Variants in PHF14 observed in about 807,000 individuals in gnomAD.
PHF14 encodes the protein PHD finger protein 14.
A neutral mutation model predicts 117.9 loss-of-function variants in PHF14; 55 were observed. The ratio of observed to expected loss-of-function variants is 0.47; its 90% CI spans 0.38 to 0.58. The LOEUF is 0.58. Among genes scored for constraint, PHF14 ranks in the 20% least tolerant of loss-of-function variants. The probability of loss-of-function intolerance (pLI) is 0.00; values close to 1 mark genes in which losing one functional copy is unlikely to be tolerated. For synonymous variants in PHF14, 409 were observed against 368.6 expected (o/e 1.11, Z -1.26); for missense variants, 978 against 1,122.2 (o/e 0.87, Z 1.84).
intron 2 of PHF14, among the ~76,000 whole-genome samples, chr7:10,981,814 G>T (rs1782052423): frequency 6.6e-6 from 1 of 152,046 alleles, no homozygotes; most frequent in Non-Finnish European, 1.5e-5. Context: ...CCTAAAATTT[G>T]TTTGGTATAT....
intron 17 of PHF14, among the ~76,000 whole-genome samples, chr7:11,119,974 A>G (rs558970091): frequency 6.6e-6 from 1 of 152,070 alleles, no homozygotes; most frequent in African/African-American, 2.4e-5. Flanking sequence ...TTGCCTTTTA[A>G]TATATTCATT....
At chr7:11,062,217 T>C in intron 16 of PHF14, 132 bp downstream of exon 16, 1 of 652,042 alleles carries the variant, frequency 1.5e-6, no homozygotes, top group Non-Finnish European at 2.4e-6. Flanking sequence ...AACAGTACTT[T>C]AGAAACAGAT....
intron 4 of PHF14, among the ~76,000 whole-genome samples, chr7:11,001,260 A>C (rs145623656): frequency 2.0e-5 from 3 of 152,188 alleles, no homozygotes; most frequent in South Asian, 4.1e-4. Context: ...CTATATATCT[A>C]TTCTTTGATT....
intron 4 of PHF14, 58 bp downstream of exon 4, chr7:10,990,905 T>G: frequency 7.9e-7 from 1 of 1,262,520 alleles, no homozygotes; most frequent in Non-Finnish European, 1.1e-6. Flanking sequence ...TCTTTTACAT[T>G]TGTACTAAGG....
chr7:11,128,582 C>T lies in PHF14; in HGVS notation c.2772+17115C>T, dbSNP rs973717241. ...CAGAAAATCCAAGAAAAAAGTAAGG[C>T]GCTTTCCATTGTCTATACTATAGTA... is the stretch of plus-strand genomic sequence containing the variant. On this transcript the variant is annotated intron_variant, in intron 17 of 17. Transcript: ENST00000634607. 4.0e-5 allele frequency among the ~76,000 whole-genome samples: 6 copies of T among 151,824 alleles called. No individual in the cohort carries two copies. In the South Asian group the frequency reaches 8.3e-4, roughly 21 times the overall value.
At chr7:11,089,348 A>G (rs1266036635) in intron 16 of PHF14, among the ~76,000 whole-genome samples, 2 of 152,206 alleles carry the variant, frequency 1.3e-5, no homozygotes. Context: ...TTATATATGT[A>G]TATCTTTTAA....
At chr7:11,153,270 T>A (rs1016852212) in intron 17 of PHF14, among the ~76,000 whole-genome samples, 18 of 152,118 alleles carry the variant, frequency 1.2e-4, no homozygotes, top group Non-Finnish European at 2.4e-4. Context: ...TACCCTTGGG[T>A]GATAAAGATA....
At chr7:11,077,574 C>G (rs1583442667) in intron 16 of PHF14, among the ~76,000 whole-genome samples, 2 of 138,930 alleles carry the variant, frequency 1.4e-5, no homozygotes, top group Admixed American at 1.5e-4. Context: ...GCACTCCGGC[C>G]TGGCAACAGA....
rs532999495 is a variant in PHF14 at position 11,019,277 on chromosome 7, C to T, written c.1206-3591C>T. 5.3e-5 allele frequency among the ~76,000 whole-genome samples: 8 copies of T among 152,182 alleles called. 1 individual carries two copies. In the Middle Eastern group the frequency reaches 0.017, roughly 324 times the overall value. The stretch of plus-strand genomic sequence containing the variant: ...ATGAGTTTGGAAATATTCCCTCTTC[C>T]TCTGTTTTTTGGAATAGTTTGAGTA... On this transcript the variant is annotated intron_variant, in intron 5 of 17. Coordinates refer to ENST00000634607, the MANE Select transcript of PHF14 (RefSeq NM_001007157.2).
chr7:10,975,052 CG>C, intron 2 of PHF14, 107 bp downstream of exon 2: 1 of 678,856 alleles, frequency 1.5e-6, no homozygotes, highest in Non-Finnish European at 2.6e-6. Flanking sequence ...AGTGAAAGCA[CG>C]TAAACTTCAT....
chr7:11,071,905 AAAGT>A (rs1209531763), intron 16 of PHF14, among the ~76,000 whole-genome samples: 4 of 152,352 alleles, frequency 2.6e-5, no homozygotes, highest in South Asian at 4.1e-4. Context: ...GGATATTAAA[AAAGT>A]AAGCCTGCTA....
chr7:11,008,567 G>A (rs1783211942), intron 4 of PHF14, among the ~76,000 whole-genome samples: 1 of 152,134 alleles, frequency 6.6e-6, no homozygotes, highest in Non-Finnish European at 1.5e-5. Flanking sequence ...GATGATCTGA[G>A]GTGGAACAGT....
intron 16 of PHF14, among the ~76,000 whole-genome samples, chr7:11,088,960 G>C (rs1786534116): frequency 6.6e-6 from 1 of 152,130 alleles, no homozygotes; most frequent in Non-Finnish European, 1.5e-5. Context: ...AAATGAGCAT[G>C]GTATTATTTT....
intron 6 of PHF14, among the ~76,000 whole-genome samples, chr7:11,025,972 C>T (rs113586134): frequency 1.1e-4 from 16 of 151,908 alleles, no homozygotes; most frequent in African/African-American, 3.4e-4. Context: ...ATTAGCTGGG[C>T]GTGGTGGCAC....
intron 17 of PHF14, among the ~76,000 whole-genome samples, chr7:11,144,816 G>T (rs1788500947): frequency 6.6e-6 from 1 of 151,630 alleles, no homozygotes; most frequent in African/African-American, 2.4e-5. Context: ...TGAACCTTAA[G>T]AACATTTTGC....
rs545635067 is a variant in PHF14 at position 11,143,685 on chromosome 7, C to G, written c.2773-25731C>G. Among the ~76,000 whole-genome samples the G allele has an allele frequency of 7.8e-4, 118 of 152,166 alleles. 1 individual carries two copies. The highest frequency in any genetic ancestry group is 2.5e-3 in the African/African-American group (104 of 41,550). On this transcript the variant is annotated intron_variant, in intron 17 of 17. Coordinates refer to ENST00000634607, the MANE Select transcript of PHF14 (RefSeq NM_001007157.2). ...CTTTTTACCATTATTTAACAAATATCTACTAAGCATCTTGTAAGTGTAACA... is the reference window on the plus strand; with the variant it reads ...CTTTTTACCATTATTTAACAAATATGTACTAAGCATCTTGTAAGTGTAACA...
At chr7:11,167,371 G>T (rs1250051384) in intron 17 of PHF14, among the ~76,000 whole-genome samples, 1 of 152,126 alleles carries the variant, frequency 6.6e-6, no homozygotes, top group Non-Finnish European at 1.5e-5. Flanking sequence ...AGTTAAGATT[G>T]CTAGAAGTGT....
chr7:11,104,694 T>C (rs981506194), intron 16 of PHF14: 3 of 892,148 alleles, frequency 3.4e-6, no homozygotes, highest in Non-Finnish European at 4.0e-6. Context: ...CAGGAAGGAT[T>C]TGTAAAAACA....
chr7:10,985,650 T>TG (rs1782196976), intron 3 of PHF14, among the ~76,000 whole-genome samples: 1 of 127,244 alleles, frequency 7.9e-6, no homozygotes, highest in Non-Finnish European at 1.6e-5. Context: ...TTTTTTTTTT[T>TG]TTTTTTTTTT....
Sources: gnomAD v4.1 joint callset for allele counts (sites outside exome capture counted in the v4.1 genomes callset) on GRCh38, gnomAD v4.1.1 for gene constraint, MANE v1.5 for transcripts, NCBI Gene and HGNC (gene_info 2026-07-23, HGNC 2026-07-21) for gene names.